HERPUD2: variants seen among roughly 807,000 people sequenced by gnomAD.
HERPUD2 encodes homocysteine-responsive endoplasmic reticulum-resident ubiquitin-like domain member 2 protein.
Under a neutral mutation model 49.9 loss-of-function variants are expected in HERPUD2, and 13 were observed. The ratio of observed to expected loss-of-function variants is 0.26; its 90% CI spans 0.17 to 0.41. The LOEUF is 0.41. HERPUD2 is among the 10% of genes least tolerant of loss of function. HERPUD2 has a pLI of 1.00. For missense variants in HERPUD2, 449 were observed against 492.2 expected, an observed-to-expected ratio of 0.91 and a Z score of 0.83; for synonymous variants, 172 against 171.4, an observed-to-expected ratio of 1.00 and a Z score of -0.03.
intron 6 of HERPUD2, among the ~76,000 whole-genome samples, chr7:35,637,689 CGACT>C (rs1398215849): frequency 2.6e-5 from 4 of 152,174 alleles, no homozygotes; most frequent in Admixed American, 6.5e-5. Context: ...TCCTCTCTAC[CGACT>C]ATGAGTGCTG....
intron 5 of HERPUD2, among the ~76,000 whole-genome samples, chr7:35,639,536 T>G (rs1222517367): frequency 6.6e-6 from 1 of 152,194 alleles, no homozygotes; most frequent in East Asian, 1.9e-4. Flanking sequence ...ATGTGAGATT[T>G]GTAGAAAATC....
chr7:35,686,418 A>T (rs1786045998), intron 2 of HERPUD2, among the ~76,000 whole-genome samples: 1 of 147,506 alleles, frequency 6.8e-6, no homozygotes, highest in Non-Finnish European at 1.5e-5. Context: ...CGATCTCCTG[A>T]TCTCATGATC....
rs1562686269 is a variant in HERPUD2 at position 35,682,345 on chromosome 7, GTGTGTGTGTGTGTATATATA to G, written c.148-9087_148-9068del. On this transcript the variant is annotated intron_variant, in intron 2 of 8. Transcript: ENST00000311350. ...TACACACGTGTGTGTGTGTGTGTGT[GTGTGTGTGTGTGTATATATA>G]TATATATATATATATATATATACTT... 3.9e-3 allele frequency among the ~76,000 whole-genome samples: 110 copies of G among 28,170 alleles called. 1 individual carries two copies. The highest frequency in any genetic ancestry group is 0.014 in the African/African-American group (108 of 7,854). 18.5% of individuals were successfully genotyped at this position (28,170 alleles called of 152,430 possible).
intron 6 of HERPUD2, 68 bp downstream of exon 6, chr7:35,638,282 T>C: frequency 7.0e-7 from 1 of 1,431,140 alleles, no homozygotes; most frequent in South Asian, 1.4e-5. Flanking sequence ...TCAACTTACT[T>C]AGGATAAAAA....
intron 5 of HERPUD2, among the ~76,000 whole-genome samples, chr7:35,644,983 C>A (rs536284953): frequency 6.6e-6 from 1 of 152,054 alleles, no homozygotes; most frequent in South Asian, 2.1e-4. Flanking sequence ...ATATCTGTTA[C>A]AAATACACAC....
chr7:35,692,221 T>G (rs1344569942), intron 2 of HERPUD2, among the ~76,000 whole-genome samples: 1 of 152,196 alleles, frequency 6.6e-6, no homozygotes, highest in African/African-American at 2.4e-5. Context: ...CCACTAGTGA[T>G]CAGTGCTGCA....
intron 5 of HERPUD2, 139 bp downstream of exon 5, chr7:35,667,295 T>C: frequency 1.3e-6 from 1 of 783,950 alleles, no homozygotes; most frequent in Middle Eastern, 3.7e-4. Flanking sequence ...AACCCTCTAG[T>C]TCTCAAAATA....
At chr7:35,685,327 T>G (rs1302537951) in intron 2 of HERPUD2, among the ~76,000 whole-genome samples, 2 of 21,562 alleles carry the variant, frequency 9.3e-5, no homozygotes, top group African/African-American at 1.2e-3. Context: ...TTTTTTTTGT[T>G]TTTTTTTTTT....
intron 2 of HERPUD2, among the ~76,000 whole-genome samples, chr7:35,677,385 T>C (rs1422684372): frequency 3.9e-5 from 6 of 152,236 alleles, no homozygotes; most frequent in African/African-American, 1.4e-4. Context: ...TGAGCGTTTC[T>C]AGGCTTTCAT....
At chr7:35,667,349 T>C in intron 5 of HERPUD2, 85 bp downstream of exon 5, 1 of 1,183,258 alleles carries the variant, frequency 8.5e-7, no homozygotes. Context: ...CTTTAATTAC[T>C]GCAAAGAGGC....
In HERPUD2 at chr7:35,638,331, T is replaced by C. The variant is rs1341818234; in HGVS notation, c.617+19A>G. 4.5e-6 allele frequency: 7 copies of C among 1,563,048 alleles called. No homozygotes were observed. In the East Asian group the frequency reaches 1.1e-4, roughly 25 times the overall value. On this transcript the variant is annotated intron_variant, in intron 6 of 8. Transcript: ENST00000311350. ...ATAACACACTGAGTAACTTAAAAAA[T>C]GAACTCAGATTAACTTACTACTGCA...
intron 5 of HERPUD2, among the ~76,000 whole-genome samples, chr7:35,662,115 G>A (rs55831977): frequency 0.014 from 2,096 of 152,288 alleles, 27 homozygotes; most frequent in Non-Finnish European, 0.022. Flanking sequence ...GGCCTTTTCT[G>A]CATCTATTGA....
At position 35,667,579 on chromosome 7, in the gene HERPUD2, G is replaced by A; in HGVS notation, c.349C>T (p.His117Tyr). ...GATGATGGAGTTGTTGATCCTGAAT[G>A]ATCTGAACTCTACAAATAAAAATGT... ...LASSSNSSSD[H>Y]SGSTTPSSGQ... Residue 117 changes from histidine (H) to tyrosine (Y), a missense_variant, in exon 5 of 9, where the codon CAT (histidine) becomes TAT (tyrosine). By Grantham distance (83) the His-to-Tyr change is moderately conservative. Coordinates refer to ENST00000311350, the MANE Select transcript of HERPUD2 (RefSeq NM_022373.5). 1.2e-6 allele frequency: 2 copies of A among 1,609,396 alleles called. No homozygotes were observed. Among genetic ancestry groups the A allele is most frequent in the Non-Finnish European group, 8.5e-7 (1 of 1,176,058 alleles).
At chr7:35,665,336 C>T (rs1785514417) in intron 5 of HERPUD2, among the ~76,000 whole-genome samples, 1 of 152,234 alleles carries the variant, frequency 6.6e-6, no homozygotes, top group African/African-American at 2.4e-5. Flanking sequence ...CCTCCCTCAG[C>T]CTTGCTGTCG....
intron 5 of HERPUD2, among the ~76,000 whole-genome samples, chr7:35,656,642 A>T (rs1411674435): frequency 6.6e-6 from 1 of 152,180 alleles, no homozygotes; most frequent in Admixed American, 6.5e-5. Flanking sequence ...AACATAACAG[A>T]GAAGACAGAA....
At chr7:35,686,556 A>G (rs1441308326) in intron 2 of HERPUD2, among the ~76,000 whole-genome samples, 24 of 138,702 alleles carry the variant, frequency 1.7e-4, no homozygotes, top group South Asian at 4.9e-4. Context: ...CGTCTCTACT[A>G]AAAATACAAA....
intron 5 of HERPUD2, among the ~76,000 whole-genome samples, chr7:35,661,769 T>G (rs1399069591): frequency 6.6e-6 from 1 of 152,212 alleles, no homozygotes; most frequent in Admixed American, 6.5e-5. Context: ...TTAAGGAGAT[T>G]TTGGGCTGAG....
In HERPUD2 at chr7:35,694,471, G is replaced by C. The variant is rs545337893; in HGVS notation, c.-141C>G. The C allele has an allele frequency of 3.4e-5, 28 of 827,850 alleles. No individual in the cohort carries two copies. Among genetic ancestry groups the C allele is most frequent in the Non-Finnish European group, 5.0e-5 (26 of 522,096 alleles). 51.3% of individuals were successfully genotyped at this position (827,850 alleles called of 1,614,324 possible). A position where few individuals can be genotyped will look rare whatever the true frequency, so the allele number is the denominator to read the frequency against. The stretch of plus-strand genomic sequence containing the variant: ...GTCCAAGTCAGTTACAAGTGCACTG[G>C]AGGATACGAAGCCCATTGCCGGTAC... On this transcript the variant is annotated 5_prime_UTR_variant, in exon 2 of 9. Transcript: ENST00000311350.
At chr7:35,692,562 C>G (rs543640889) in intron 2 of HERPUD2, among the ~76,000 whole-genome samples, 1 of 152,234 alleles carries the variant, frequency 6.6e-6, no homozygotes, top group Admixed American at 6.5e-5. Flanking sequence ...ATTCTTACTC[C>G]CTGTGTAAAT....
Sources: gnomAD v4.1 joint callset for allele counts (sites outside exome capture counted in the v4.1 genomes callset) on GRCh38, gnomAD v4.1.1 for gene constraint, MANE v1.5 for transcripts, NCBI Gene and HGNC (gene_info 2026-07-23, HGNC 2026-07-21) for gene names.